The following KCNU1 variants were observed in gnomAD, a reference collection of about 807,000 sequenced individuals.
KCNU1 encodes the protein potassium calcium-activated channel subfamily U member 1, also known as potassium channel subfamily U member 1.
KCNU1 carries 93 observed loss-of-function variants against 126.8 expected under a neutral mutation model. The observed-to-expected ratio is 0.73, with a 90% CI of 0.62 to 0.87. The LOEUF (loss-of-function observed/expected upper bound fraction) is 0.87. Among genes scored for constraint, KCNU1 ranks in the 40% least tolerant of loss-of-function variants. KCNU1 has a pLI of 0.00. For missense variants in KCNU1, 1,330 were observed against 1,367.1 expected (o/e 0.97, Z 0.43); for synonymous variants, 523 against 494.2 (o/e 1.06, Z -0.77).
At chr8:36,818,230 A>G (rs1803992752) in intron 10 of KCNU1, among the ~76,000 whole-genome samples, 1 of 152,198 alleles carries the variant, frequency 6.6e-6, no homozygotes, top group Admixed American at 6.6e-5. Flanking sequence ...TTTAGTACAG[A>G]AGGATTTTAA....
Position 36,932,967 on chromosome 8 carries a change from T to G in KCNU1, c.2979T>G (p.Phe993Leu), listed in dbSNP as rs561739418. ...TGTTCTGTGGCTCATTAGATCTTTT[T>G]GGAATCCTGTGTGTTGGCTTATACC... Reference protein sequence around the residue: ...GQLFCGSLDLFGILCVGLYRI... With the variant: ...GQLFCGSLDLLGILCVGLYRI... The change falls in exon 26 of 27, where the codon TTT becomes TTG. Residue 993 changes from phenylalanine (F) to leucine (L), a missense_variant. Physicochemically the swap from Phe to Leu is conservative, Grantham distance 22. Transcript: ENST00000399881. 17 of 1,577,218 alleles carry G rather than the reference T, an allele frequency of 1.1e-5. 1 individual carries two copies. The Admixed American group carries it at 3.1e-4, about 29-fold the overall frequency.
At position 36,834,861 on chromosome 8, in the gene KCNU1, A is replaced by G. The variant is rs761392648; in HGVS notation, c.1288A>G (p.Ile430Val). The change falls in exon 12 of 27, where the codon ATT becomes GTT. Residue 430 changes from isoleucine to valine, a missense_variant. Coordinates refer to ENST00000399881, the MANE Select transcript of KCNU1 (RefSeq NM_001031836.3). ...SDSHAEDISNIMRVLSIKNYD... is the reference protein window; with the variant it reads ...SDSHAEDISNVMRVLSIKNYD... ...TTCCCATGCTGAAGATATTTCCAAC[A>G]TTATGAGGTAAGAAGCTGTGTTTTG... 1.2e-5 allele frequency: 20 copies of G among 1,605,432 alleles called. No individual in the cohort carries two copies. The South Asian group carries it at 2.2e-4, about 18-fold the overall frequency.
intron 12 of KCNU1, among the ~76,000 whole-genome samples, chr8:36,835,708 G>A (rs1343454742): frequency 6.6e-6 from 1 of 152,158 alleles, no homozygotes; most frequent in African/African-American, 2.4e-5. Flanking sequence ...AACTCTTCTA[G>A]CAAGAACGTG....
chr8:36,815,163 T>C (rs982255025), intron 8 of KCNU1, among the ~76,000 whole-genome samples: 2 of 152,088 alleles, frequency 1.3e-5, no homozygotes, highest in African/African-American at 4.8e-5. Flanking sequence ...GCATTCCATC[T>C]CTACTAAAAA....
chr8:36,864,642 C>T (rs891456865), intron 19 of KCNU1, 121 bp downstream of exon 19: 3 of 646,308 alleles, frequency 4.6e-6, no homozygotes, highest in African/African-American at 1.8e-5. Context: ...TGGAATTGTT[C>T]CTCCCCAAAA....
chr8:36,865,825 A>C (rs1054737086), intron 19 of KCNU1, among the ~76,000 whole-genome samples: 1 of 151,532 alleles, frequency 6.6e-6, no homozygotes, highest in African/African-American at 2.4e-5. Flanking sequence ...TGTCATACAC[A>C]CACACAGAAT....
At chr8:36,833,313 TAAATGCATAGTTGATTTA>T (rs1193307655) in intron 10 of KCNU1, among the ~76,000 whole-genome samples, 1 of 152,180 alleles carries the variant, frequency 6.6e-6, no homozygotes, top group Non-Finnish European at 1.5e-5. Flanking sequence ...GCCATTTTAT[TAAATGCATAGTTGATTTA>T]AAATGTTATG....
intron 19 of KCNU1, among the ~76,000 whole-genome samples, 184 bp from the exon 20 acceptor site, chr8:36,905,524 T>C (rs896297710): frequency 1.3e-5 from 2 of 151,918 alleles, no homozygotes; most frequent in Non-Finnish European, 2.9e-5. Context: ...TCAACTATGA[T>C]ACAGTCTGGG....
chr8:36,855,053 A>C (rs1178210808), intron 18 of KCNU1, among the ~76,000 whole-genome samples: 1 of 152,098 alleles, frequency 6.6e-6, no homozygotes, highest in Non-Finnish European at 1.5e-5. Flanking sequence ...TGTAAAGTTG[A>C]CAACTGTGTT....
chr8:36,870,310 C>T (rs1387379364), intron 19 of KCNU1, among the ~76,000 whole-genome samples: 2 of 152,162 alleles, frequency 1.3e-5, no homozygotes, highest in Non-Finnish European at 2.9e-5. Context: ...CTATTTCCAG[C>T]CCTACATAAT....
intron 2 of KCNU1, among the ~76,000 whole-genome samples, chr8:36,801,422 T>C (rs1803299697): frequency 6.9e-6 from 1 of 144,536 alleles, no homozygotes; most frequent in Non-Finnish European, 1.5e-5. Flanking sequence ...TTCAATTCTT[T>C]GTTTCTATCT....
chr8:36,882,295 C>T (rs146256784), intron 19 of KCNU1, among the ~76,000 whole-genome samples: 7 of 152,312 alleles, frequency 4.6e-5, no homozygotes, highest in African/African-American at 1.2e-4. Context: ...AAGTTCACAG[C>T]GTTGCTCCTT....
chr8:36,909,478 C>T lies in KCNU1; in HGVS notation c.2274C>T (p.Asp758=). Residue 758 remains aspartate, a synonymous_variant, in exon 21 of 27, where the codon GAC becomes GAT. Transcript: ENST00000399881. ...LKDIVFIGSL[D]YLQREWRFLW... ...ACATAGTGTTCATTGGGTCTCTGGA[C>T]TATCTACAGAGAGAATGGCGATTTC... 2.5e-6 allele frequency: 4 copies of T among 1,613,158 alleles called. No homozygotes were observed. Among genetic ancestry groups the T allele is most frequent in the Non-Finnish European group, 3.4e-6 (4 of 1,179,196 alleles).
chr8:36,903,876 C>T (rs1319413898), intron 19 of KCNU1, among the ~76,000 whole-genome samples: 1 of 152,054 alleles, frequency 6.6e-6, no homozygotes, highest in Non-Finnish European at 1.5e-5. Context: ...GGGGGAAGCC[C>T]CTTATAAAAC....
chr8:36,903,081 C>A (rs997463607), intron 19 of KCNU1, among the ~76,000 whole-genome samples: 1 of 152,138 alleles, frequency 6.6e-6, no homozygotes, highest in East Asian at 1.9e-4. Context: ...GAATTACCCT[C>A]TCTGACTTTC....
rs1803833544 is a variant in KCNU1 at position 36,814,366 on chromosome 8, C to T, written c.892C>T (p.Leu298=). 29 of 1,608,100 alleles carry T rather than the reference C, an allele frequency of 1.8e-5. No homozygotes were observed. Among genetic ancestry groups the T allele is most frequent in the Non-Finnish European group, 2.3e-5 (27 of 1,175,980 alleles). Residue 298 remains leucine (L), a synonymous_variant, in exon 8 of 27, where the codon CTG becomes TTG. Transcript: ENST00000399881. Reference sequence around the variant, plus strand: ...ACGGACCTTCATCATGTTCTTCACACTGGGGAGTTTGGTGAAGAATATTTT... The same window carrying T: ...ACGGACCTTCATCATGTTCTTCACATTGGGGAGTTTGGTGAAGAATATTTT... ...LGRTFIMFFT[L]GSLILFANYI... is the part of the protein sequence containing the mutation.
At position 36,909,542 on chromosome 8, in the gene KCNU1, A is replaced by AACTTT; in HGVS notation, c.2331+7_2331+8insACTTT. The AACTTT allele has an allele frequency of 6.9e-7, 1 of 1,459,702 alleles. No individual in the cohort carries two copies. Among genetic ancestry groups the AACTTT allele is most frequent in the Non-Finnish European group, 9.6e-7 (1 of 1,041,608 alleles). 90.4% of individuals were successfully genotyped at this position (1,459,702 alleles called of 1,614,324 possible). ...CCAGATATACATTCTGCCTGTAAGT[A>AACTTT]TCATATAAGGAAAAGTTAATATTTA... is the stretch of plus-strand genomic sequence containing the variant. On this transcript the variant is annotated splice_region_variant and intron_variant, in intron 21 of 26. Coordinates refer to ENST00000399881, the MANE Select transcript of KCNU1 (RefSeq NM_001031836.3).
At chr8:36,837,454 CATG>C (rs555719734) in intron 14 of KCNU1, among the ~76,000 whole-genome samples, 25 of 152,108 alleles carry the variant, frequency 1.6e-4, no homozygotes, top group Non-Finnish European at 2.5e-4. Flanking sequence ...ACAGTAACCA[CATG>C]ATGAGTGCCT....
intron 19 of KCNU1, among the ~76,000 whole-genome samples, chr8:36,900,660 C>T (rs570903647): frequency 5.9e-5 from 9 of 152,076 alleles, no homozygotes; most frequent in South Asian, 2.1e-4. Flanking sequence ...AATAGCCTTG[C>T]TATTTATAAA....
Sources: allele counts gnomAD v4.1 joint callset (sites outside exome capture counted in the v4.1 genomes callset), GRCh38; gene constraint gnomAD v4.1.1; transcripts MANE v1.5; gene names NCBI Gene and HGNC (gene_info 2026-07-23, HGNC 2026-07-21).